Variants in SSBP4 observed in about 807,000 individuals in gnomAD.
SSBP4 encodes the protein single stranded DNA binding protein 4, also known as single-stranded DNA-binding protein 4.
In SSBP4, 33 loss-of-function variants were observed where a neutral mutation model predicts 64.6. That is an observed-to-expected ratio of 0.51 (90% CI 0.39 to 0.68). The LOEUF (loss-of-function observed/expected upper bound fraction) is 0.68, where lower values mean the gene tolerates loss of function less well. SSBP4 is among the 30% of genes least tolerant of loss of function. The probability of loss-of-function intolerance (pLI) is 0.00; values close to 1 mark genes in which losing one functional copy is unlikely to be tolerated. For missense variants in SSBP4, 583 were observed against 566.8 expected, an observed-to-expected ratio of 1.03 and a Z score of -0.29; for synonymous variants, 243 against 224.0, an observed-to-expected ratio of 1.08 and a Z score of -0.76.
chr19:18,432,554 TC>T lies in SSBP4; in HGVS notation c.705-3del. 6.4e-7 allele frequency: 1 copy of T among 1,557,894 alleles called. No individual in the cohort carries two copies. Among genetic ancestry groups the T allele is most frequent in the Non-Finnish European group, 8.7e-7 (1 of 1,149,840 alleles). ...CCAGAGTCTGTCATCCGCGGTCTCT[TC>T]CAGGGGCCCAGGAGTTCGTGGCCCG... On this transcript the variant is annotated splice_region_variant and splice_polypyrimidine_tract_variant and intron_variant, in intron 10 of 17. Transcript: ENST00000270061.
chr19:18,417,777 G>T (rs1428961168), upstream of SSBP4, among the ~76,000 whole-genome samples: 6 of 152,238 alleles, frequency 3.9e-5, no homozygotes, highest in East Asian at 1.2e-3. This position sits in a 1 kb window ranked among gnomAD's most constrained non-coding sequence, Gnocchi z 5.4. Flanking sequence ...AGGCCCCTCG[G>T]GGAGGAGGCG....
At chr19:18,404,580 C>A in the SSBP4 span, among the ~76,000 whole-genome samples, 6 of 120,270 alleles carry the variant, frequency 5.0e-5, no homozygotes, top group African/African-American at 1.0e-4. Context: ...GGTGACAGAG[C>A]GAGACTCTGT....
chr19:18,411,646 G>A, the SSBP4 span, among the ~76,000 whole-genome samples: 2 of 152,172 alleles, frequency 1.3e-5, no homozygotes. Flanking sequence ...AGGTATCCCG[G>A]CCAGGAGAAA....
intron 1 of SSBP4, among the ~76,000 whole-genome samples, chr19:18,421,267 G>A (rs1441478474): frequency 2.6e-5 from 4 of 152,250 alleles, no homozygotes; most frequent in African/African-American, 2.4e-5. Context: ...TTGCCTGTGT[G>A]CAGTTAGGAA....
Position 18,427,372 on chromosome 19 carries a change from G to C in SSBP4, c.81G>C (p.Glu27Asp). ...ACAGGTTGGCGCTGTACGTTTATGA[G>C]TACCTGCTGCACATCGGTGCCCAGA... is the stretch of plus-strand genomic sequence containing the variant. Reference protein sequence around the residue: ...AREKLALYVYEYLLHIGAQKS... With the variant: ...AREKLALYVYDYLLHIGAQKS... Residue 27 changes from glutamate to aspartate, a missense_variant, in exon 2 of 18, where the codon GAG becomes GAC. By Grantham distance (45) the Glu-to-Asp change is conservative (BLOSUM62 2). This residue lies in a region of SSBP4 where 43 missense variants were observed against 74.2 expected (regional missense o/e 0.58). Transcript: ENST00000270061. This position sits in a 1 kb window ranked among gnomAD's most constrained non-coding sequence, Gnocchi z 4.4. 1 of 1,610,912 alleles carries C rather than the reference G, an allele frequency of 6.2e-7. No individual in the cohort carries two copies. Among genetic ancestry groups the C allele is most frequent in the Non-Finnish European group, 8.5e-7 (1 of 1,179,890 alleles).
At chr19:18,403,701 G>A in the SSBP4 span, among the ~76,000 whole-genome samples, 3 of 148,474 alleles carry the variant, frequency 2.0e-5, no homozygotes, top group African/African-American at 7.5e-5. Context: ...GGGTCCTGGG[G>A]TCCTGAGGTC....
At chr19:18,431,943 C>T (rs763668335) in intron 8 of SSBP4, 57 bp from the exon 9 acceptor site, 3 of 1,556,790 alleles carry the variant, frequency 1.9e-6, no homozygotes, top group Non-Finnish European at 2.6e-6. Context: ...TGCCTCCCCA[C>T]TGTCCACACT....
intron 17 of SSBP4, 159 bp downstream of exon 17, chr19:18,433,976 C>A: frequency 2.3e-6 from 2 of 884,612 alleles, no homozygotes; most frequent in Non-Finnish European, 2.9e-6. Flanking sequence ...CTCAACCTCT[C>A]CCCACCCCCC....
At chr19:18,403,553 T>C in the SSBP4 span, among the ~76,000 whole-genome samples, 1 of 151,718 alleles carries the variant, frequency 6.6e-6, no homozygotes, top group East Asian at 1.9e-4. Flanking sequence ...TTGGGAGTCC[T>C]GGGGCCTGAG....
At chr19:18,429,345 G>T (rs981217888) in intron 4 of SSBP4, among the ~76,000 whole-genome samples, 1 of 152,132 alleles carries the variant, frequency 6.6e-6, no homozygotes, top group East Asian at 1.9e-4. Context: ...AACGCGGGCC[G>T]GGCCGGCTCC....
At chr19:18,428,878 C>T (rs565361398) in intron 4 of SSBP4, among the ~76,000 whole-genome samples, 21 of 152,354 alleles carry the variant, frequency 1.4e-4, no homozygotes, top group South Asian at 4.1e-4. Flanking sequence ...TTGTCCTAGT[C>T]CCGCTAGATC....
At chr19:18,413,196 G>T in the SSBP4 span, among the ~76,000 whole-genome samples, 2 of 146,194 alleles carry the variant, frequency 1.4e-5, no homozygotes, top group African/African-American at 2.5e-5. Context: ...TTGTGGACGT[G>T]GGGGAGGGAC....
At chr19:18,410,227 A>C in the SSBP4 span, among the ~76,000 whole-genome samples, 2 of 151,582 alleles carry the variant, frequency 1.3e-5, no homozygotes, top group South Asian at 4.2e-4. Context: ...CGATCTCCTG[A>C]CCTCATGATC....
rs1972921368 is a variant in SSBP4 at position 18,427,265 on chromosome 19, A to C, written c.60-86A>C. On this transcript the variant is annotated intron_variant, in intron 1 of 17. Coordinates refer to ENST00000270061, the MANE Select transcript of SSBP4 (RefSeq NM_032627.5). This position sits in a 1 kb window ranked among gnomAD's most constrained non-coding sequence, Gnocchi z 4.4. The stretch of plus-strand genomic sequence containing the variant: ...CAGCTGGTGGGGAGGCCACCTTTCC[A>C]CCCGCCCTCCTGAGAGATGGAGGGG... The C allele has an allele frequency of 6.9e-7, 1 of 1,452,702 alleles. No individual in the cohort carries two copies. Among genetic ancestry groups the C allele is most frequent in the Admixed American group, 1.9e-5 (1 of 52,974 alleles). The allele number at this position is 1,452,702 out of a possible 1,614,324, so 90.0% of individuals were successfully genotyped here.
chr19:18,413,654 G>C, the SSBP4 span, among the ~76,000 whole-genome samples: 1 of 152,234 alleles, frequency 6.6e-6, no homozygotes, highest in African/African-American at 2.4e-5. Context: ...CCAGGAGCAG[G>C]GGAGGTCGTG....
At chr19:18,412,460 CAA>C in the SSBP4 span, among the ~76,000 whole-genome samples, 278 of 74,408 alleles carry the variant, frequency 3.7e-3, no homozygotes, top group African/African-American at 9.9e-3. Context: ...GACTCCATCT[CAA>C]AAAAAAAAAA....
chr19:18,431,329 ACCCAC>A lies in SSBP4; in HGVS notation c.370-22_370-18del. On this transcript the variant is annotated intron_variant, in intron 5 of 17. Coordinates refer to ENST00000270061, the MANE Select transcript of SSBP4 (RefSeq NM_032627.5). ...ACCCAGTAGGGCCTCACTCCCCCCC[ACCCAC>A]CTGGTTCTGTCCTCCTAGGGCCCCC... The A allele has an allele frequency of 6.5e-6, 1 of 154,748 alleles. No homozygotes were observed. The highest frequency in any genetic ancestry group is 1.2e-5 in the Non-Finnish European group (1 of 82,976). The allele number at this position is 154,748 out of a possible 1,614,324, so 9.6% of individuals were successfully genotyped here.
chr19:18,425,606 C>G (rs8106096), intron 1 of SSBP4, among the ~76,000 whole-genome samples: 59,851 of 151,506 alleles, frequency 0.4, 12,462 homozygotes, highest in African/African-American at 0.55. Flanking sequence ...TGCAGGCCGC[C>G]GGGCCAGGAA....
At chr19:18,419,299 C>G (rs1205944391), upstream of SSBP4, 3 of 1,002,070 alleles carry the variant, frequency 3.0e-6, no homozygotes, top group Non-Finnish European at 2.4e-6. Context: ...GGCGGCGGGA[C>G]CCACCCGCGC....
Sources: allele counts gnomAD v4.1 joint callset (sites outside exome capture counted in the v4.1 genomes callset), GRCh38; gene constraint gnomAD v4.1.1; regional missense constraint gnomAD v4.1.1; non-coding constraint Gnocchi (gnomAD v3.1); transcripts MANE v1.5; gene names NCBI Gene and HGNC (gene_info 2026-07-23, HGNC 2026-07-21).